Variants in C10orf53 observed in about 807,000 individuals in gnomAD.
C10orf53 encodes chromosome 10 open reading frame 53, also known as UPF0728 protein C10orf53.
C10orf53 carries 8 observed loss-of-function variants against 9.4 expected under a neutral mutation model. That is an observed-to-expected ratio of 0.85 (90% CI 0.50 to 1.53). The LOEUF (loss-of-function observed/expected upper bound fraction) is 1.53, where lower values mean the gene tolerates loss of function less well. Among genes scored for constraint, C10orf53 ranks in the 40% most tolerant of loss-of-function variants. The pLI is 0.00. For synonymous variants in C10orf53, 48 were observed against 46.0 expected (o/e 1.04, Z -0.18); for missense variants, 117 against 117.8 (o/e 0.99, Z 0.03).
In C10orf53 at chr10:49,694,688, G is replaced by C. The variant is rs532892675; in HGVS notation, c.*86G>C. ...ATGCAGGCAGAAGTGGCTGTGCCACGGTGTGGACACTGGGCTCTGCTAGTC... is the reference window on the plus strand; with the variant it reads ...ATGCAGGCAGAAGTGGCTGTGCCACCGTGTGGACACTGGGCTCTGCTAGTC... On this transcript the variant is annotated 3_prime_UTR_variant, in exon 3 of 3. Transcript: ENST00000374111. 20 of 1,602,720 alleles carry C rather than the reference G, an allele frequency of 1.2e-5. No homozygotes were observed. In the African/African-American group the frequency reaches 2.1e-4, roughly 17 times the overall value.
At chr10:49,691,600 G>C (rs1365817641) in intron 1 of C10orf53, among the ~76,000 whole-genome samples, 5 of 152,200 alleles carry the variant, frequency 3.3e-5, no homozygotes, top group Non-Finnish European at 5.9e-5. Flanking sequence ...TCGAAGATGA[G>C]GTGGACCCCC....
At chr10:49,703,114 AG>A (rs1840696623) in intron 2 of C10orf53, among the ~76,000 whole-genome samples, 1 of 152,098 alleles carries the variant, frequency 6.6e-6, no homozygotes, top group African/African-American at 2.4e-5. Context: ...ACTAGAGTCA[AG>A]CTCAACAAGG....
At chr10:49,707,714 T>C (rs1840732658) in intron 2 of C10orf53, among the ~76,000 whole-genome samples, 1 of 152,162 alleles carries the variant, frequency 6.6e-6, no homozygotes, top group Admixed American at 6.5e-5. Context: ...GATTGTTGTC[T>C]TTTCTGAAGC....
intron 1 of C10orf53, among the ~76,000 whole-genome samples, chr10:49,685,128 A>G (rs1049091846): frequency 6.6e-6 from 1 of 152,120 alleles, no homozygotes; most frequent in Admixed American, 6.5e-5. Context: ...TCAAACACAC[A>G]CATACACACA....
chr10:49,682,956 TTGTTTATC>T (rs1167629249), intron 1 of C10orf53, among the ~76,000 whole-genome samples: 33 of 152,364 alleles, frequency 2.2e-4, no homozygotes, highest in African/African-American at 7.5e-4. Flanking sequence ...ATGCCATATT[TTGTTTATC>T]TGTTTATCTG....
intron 2 of C10orf53, among the ~76,000 whole-genome samples, chr10:49,705,678 G>GA (rs1840717968): frequency 6.6e-6 from 1 of 151,372 alleles, no homozygotes; most frequent in Non-Finnish European, 1.5e-5. Context: ...AAACTCTTAG[G>GA]AAAAAAACCT....
rs535117747 is a variant in C10orf53 at position 49,680,702 on chromosome 10, G to A, written c.97+908G>A. Among the ~76,000 whole-genome samples the A allele has an allele frequency of 5.9e-5, 9 of 152,278 alleles. No individual in the cohort carries two copies. The East Asian group carries it at 1.5e-3, about 26-fold the overall frequency. On this transcript the variant is annotated intron_variant, in intron 1 of 2. Transcript: ENST00000374111. ...AAGACAAGTCTGTTGGGGTGGTCCA[G>A]GGCTGAGATGAGAGTAGCTTGGACC...
downstream of C10orf53, among the ~76,000 whole-genome samples, chr10:49,700,542 G>A (rs1342481283): frequency 3.3e-5 from 5 of 152,176 alleles, no homozygotes; most frequent in African/African-American, 7.2e-5. Context: ...CCGGGTTGGC[G>A]GTTGTGAGAG....
chr10:49,695,369 G>A lies in C10orf53; in HGVS notation c.*767G>A, dbSNP rs113868873. On this transcript the variant is annotated 3_prime_UTR_variant, in exon 3 of 3. Coordinates refer to ENST00000374111, the MANE Select transcript of C10orf53 (RefSeq NM_001042427.3). ...TGATATTTTTACTTTCCACTCTTAC[G>A]CACCAATGTGTAGTATATATTCTTA... 3 of 152,158 alleles carry A rather than the reference G, an allele frequency of 2.0e-5. No homozygotes were observed. The highest frequency in any genetic ancestry group is 2.1e-4 in the South Asian group (1 of 4,834). The allele number at this position is 152,158 out of a possible 1,614,324, so 9.4% of individuals were successfully genotyped here.
intron 1 of C10orf53, among the ~76,000 whole-genome samples, chr10:49,692,548 A>C (rs992313388): frequency 6.6e-6 from 1 of 152,270 alleles, no homozygotes; most frequent in Non-Finnish European, 1.5e-5. Flanking sequence ...TGAAATGGCA[A>C]GACTTTAAAG....
intron 1 of C10orf53, among the ~76,000 whole-genome samples, chr10:49,680,932 A>ACAG (rs796726095): frequency 1.4e-4 from 21 of 152,352 alleles, no homozygotes; most frequent in African/African-American, 4.1e-4. Flanking sequence ...TTCCAAAGGA[A>ACAG]CAGTCTATTT....
downstream of C10orf53, among the ~76,000 whole-genome samples, chr10:49,701,239 A>G (rs1840680652): frequency 1.3e-5 from 2 of 152,062 alleles, no homozygotes; most frequent in Non-Finnish European, 2.9e-5. Flanking sequence ...ATCAGGTTTC[A>G]GCTCGTTCAA....
chr10:49,705,273 A>T (rs10857532), intron 2 of C10orf53, among the ~76,000 whole-genome samples: 69,242 of 152,060 alleles, frequency 0.46, 16,181 homozygotes, highest in Middle Eastern at 0.5. Flanking sequence ...CTACCTCTAG[A>T]CAGGGAGGCC....
intron 1 of C10orf53, among the ~76,000 whole-genome samples, chr10:49,690,753 A>ACC (rs1438705610): frequency 6.6e-6 from 1 of 152,008 alleles, no homozygotes; most frequent in Admixed American, 6.6e-5. Flanking sequence ...AATAGAATCC[A>ACC]CCCCACGTAG....
rs1410975976 is a variant in C10orf53, at chr10:49,694,643, G to T, written c.*41G>T. On this transcript the variant is annotated 3_prime_UTR_variant, in exon 3 of 3. Coordinates refer to ENST00000374111, the MANE Select transcript of C10orf53 (RefSeq NM_001042427.3). ...GGCATCTCAAGTCGGCACAACAGCA[G>T]CTGCCCCAGCCATTCTATGATGCAG... The T allele has an allele frequency of 1.2e-6, 2 of 1,612,696 alleles. No individual in the cohort carries two copies. The highest frequency in any genetic ancestry group is 3.3e-5 in the Admixed American group (2 of 59,980).
At chr10:49,692,941 G>A (rs1840598458) in intron 1 of C10orf53, among the ~76,000 whole-genome samples, 1 of 152,214 alleles carries the variant, frequency 6.6e-6, no homozygotes, top group South Asian at 2.1e-4. Flanking sequence ...TCTGGAAAAT[G>A]CTGAAAGAAT....
chr10:49,700,337 C>G (rs535813070), downstream of C10orf53, among the ~76,000 whole-genome samples: 2 of 152,326 alleles, frequency 1.3e-5, no homozygotes, highest in African/African-American at 4.8e-5. Context: ...GGTGTTAGGA[C>G]AGGACTATAT....
downstream of C10orf53, among the ~76,000 whole-genome samples, chr10:49,701,056 T>C (rs1840679055): frequency 6.6e-6 from 1 of 152,190 alleles, no homozygotes; most frequent in Non-Finnish European, 1.5e-5. Flanking sequence ...TATTGACATA[T>C]CTATTTATTA....
chr10:49,698,895 G>GT (rs1840658540), downstream of C10orf53, among the ~76,000 whole-genome samples: 6 of 152,120 alleles, frequency 3.9e-5, no homozygotes, highest in Admixed American at 3.9e-4. Context: ...ACAACAACAG[G>GT]GTGGACAGCG....
Sources: gnomAD v4.1 joint callset for allele counts (sites outside exome capture counted in the v4.1 genomes callset) on GRCh38, gnomAD v4.1.1 for gene constraint, MANE v1.5 for transcripts, NCBI Gene and HGNC (gene_info 2026-07-23, HGNC 2026-07-21) for gene names.